SLC5A1: variants seen among roughly 807,000 people sequenced by gnomAD.
SLC5A1 encodes sodium/glucose cotransporter 1.
SLC5A1 carries 42 observed loss-of-function variants against 73.5 expected under a neutral mutation model. The ratio of observed to expected loss-of-function variants is 0.57; its 90% CI spans 0.45 to 0.74. The LOEUF (loss-of-function observed/expected upper bound fraction) is 0.74, where lower values mean the gene tolerates loss of function less well. SLC5A1 is among the 30% of genes least tolerant of loss of function. The pLI, the probability that SLC5A1 is intolerant of heterozygous loss-of-function variation, is 0.00. For synonymous variants in SLC5A1, 300 were observed against 317.4 expected, an observed-to-expected ratio of 0.95 and a Z score of 0.58; for missense variants, 634 against 855.4, an observed-to-expected ratio of 0.74 and a Z score of 3.23.
intron 8 of SLC5A1, 50 bp downstream of exon 8, chr22:32,084,709 C>A: frequency 1.9e-6 from 3 of 1,560,826 alleles, no homozygotes; most frequent in Non-Finnish European, 2.6e-6. Context: ...CAGGGCCCTA[C>A]AGGAACTCCT....
Position 32,068,493 on chromosome 22 carries a change from CA to C in SLC5A1, c.373-2del. On this transcript the variant is annotated splice_acceptor_variant, in intron 4 of 14. Transcript: ENST00000266088. LOFTEE classifies it high-confidence loss of function. ...GCAGTGACCTCCCTCGCACCCCATG[CA>C]GGTGGTGACAATGCCAGAGTACCTG... 1.2e-6 allele frequency: 2 copies of C among 1,607,384 alleles called. No homozygotes were observed. Among genetic ancestry groups the C allele is most frequent in the Non-Finnish European group, 1.7e-6 (2 of 1,173,860 alleles).
chr22:32,066,733 C>G (rs532059661), intron 2 of SLC5A1, among the ~76,000 whole-genome samples: 3 of 152,354 alleles, frequency 2.0e-5, no homozygotes, highest in Admixed American at 6.5e-5. Context: ...CAATCCTCTC[C>G]TTTTCATCTT....
rs1369002966 is a variant in SLC5A1, at chr22:32,086,284, C to A, written c.1086C>A (p.Thr362=). 6.2e-7 allele frequency: 1 copy of A among 1,613,818 alleles called. No homozygotes were observed. The highest frequency in any genetic ancestry group is 1.3e-5 in the African/African-American group (1 of 74,910). Residue 362 remains threonine, a synonymous_variant, in exon 10 of 15, where the codon ACC becomes ACA. Coordinates refer to ENST00000266088, the MANE Select transcript of SLC5A1 (RefSeq NM_000343.4). ...ATTGCGGTACCAAGGTTGGCTGTACCAACATCGCCTATCCAACCTTAGTGG... is the reference window on the plus strand; with the variant it reads ...ATTGCGGTACCAAGGTTGGCTGTACAAACATCGCCTATCCAACCTTAGTGG... ...EKYCGTKVGC[T]NIAYPTLVVE... is the part of the protein sequence containing the mutation.
intron 10 of SLC5A1, among the ~76,000 whole-genome samples, chr22:32,090,583 A>T (rs1247832321): frequency 1.3e-5 from 2 of 152,086 alleles, no homozygotes; most frequent in Non-Finnish European, 2.9e-5. Context: ...GGACATTTGT[A>T]TTGCTCCTCC....
intron 2 of SLC5A1, among the ~76,000 whole-genome samples, chr22:32,057,573 C>A (rs1042363919): frequency 1.3e-5 from 2 of 152,150 alleles, no homozygotes; most frequent in Non-Finnish European, 2.9e-5. Flanking sequence ...GCCCCCAGGA[C>A]AATTCTTGAT....
chr22:32,104,992 A>G (rs2094042949), intron 14 of SLC5A1, 101 bp downstream of exon 14: 2 of 858,596 alleles, frequency 2.3e-6, no homozygotes, highest in African/African-American at 1.7e-5. Context: ...CAGAGCTCAG[A>G]TGTCTCCCCT....
intron 11 of SLC5A1, among the ~76,000 whole-genome samples, chr22:32,092,750 G>A (rs2094020130): frequency 1.3e-5 from 2 of 152,204 alleles, no homozygotes; most frequent in Admixed American, 1.3e-4. Context: ...CTGCCACTGT[G>A]TGGGTTGCCC....
chr22:32,111,503 C>A lies in SLC5A1; in HGVS notation c.*1290C>A, dbSNP rs898656187. 6.6e-6 allele frequency: 1 copy of A among 152,128 alleles called. No homozygotes were observed. Among genetic ancestry groups the A allele is most frequent in the African/African-American group, 2.4e-5 (1 of 41,446 alleles). 9.4% of individuals were successfully genotyped at this position (152,128 alleles called of 1,614,324 possible). A position where few individuals can be genotyped will look rare whatever the true frequency, so the allele number is the denominator to read the frequency against. On this transcript the variant is annotated 3_prime_UTR_variant, in exon 15 of 15. Transcript: ENST00000266088. ...AGTCTTGAAGAGATACTAAACAAACCCACAACACAGATAAAGTATGCATTT... is the reference window on the plus strand; with the variant it reads ...AGTCTTGAAGAGATACTAAACAAACACACAACACAGATAAAGTATGCATTT...
intron 5 of SLC5A1, among the ~76,000 whole-genome samples, chr22:32,075,070 C>CTGTTTTTTTTTTT (rs2093988705): frequency 9.3e-6 from 1 of 107,684 alleles, no homozygotes; most frequent in Non-Finnish European, 2.0e-5. Flanking sequence ...CTATTTTTTA[C>CTGTTTTTTTTTTT]TTTTTTTTTT....
Position 32,068,045 on chromosome 22 carries a change from A to G in SLC5A1, c.372+19A>G, listed in dbSNP as rs1313425409. On this transcript the variant is annotated intron_variant, in intron 4 of 14. Transcript: ENST00000266088. ...GGCTGGGGTAAGTATCTGCTCTGTT[A>G]TTTCATTTCCTGCTGGCAAATGTAT... is the stretch of plus-strand genomic sequence containing the variant. 4.3e-6 allele frequency: 7 copies of G among 1,611,236 alleles called. No individual in the cohort carries two copies. The Admixed American group carries it at 1.2e-4, about 27-fold the overall frequency.
intron 1 of SLC5A1, among the ~76,000 whole-genome samples, chr22:32,045,358 C>T (rs902971992): frequency 3.3e-5 from 5 of 152,256 alleles, no homozygotes; most frequent in African/African-American, 1.2e-4. Flanking sequence ...CTAAATGCTA[C>T]TTAATAGCCT....
At chr22:32,084,043 G>C (rs2094004087) in intron 7 of SLC5A1, among the ~76,000 whole-genome samples, 1 of 152,236 alleles carries the variant, frequency 6.6e-6, no homozygotes, top group Non-Finnish European at 1.5e-5. Context: ...CTAGGTCTGT[G>C]TGTCTCTAGG....
chr22:32,054,372 A>G (rs1367914089), intron 2 of SLC5A1, among the ~76,000 whole-genome samples: 1 of 152,198 alleles, frequency 6.6e-6, no homozygotes, highest in Non-Finnish European at 1.5e-5. Context: ...CTTACAAAAT[A>G]TACGTAAAAT....
At chr22:32,067,362 T>C (rs567590032) in intron 3 of SLC5A1, among the ~76,000 whole-genome samples, 1 of 147,400 alleles carries the variant, frequency 6.8e-6, no homozygotes, top group Non-Finnish European at 1.5e-5. Context: ...TTATTTTTTT[T>C]AAAAAAATTT....
chr22:32,059,237 G>T (rs1380850366), intron 2 of SLC5A1: 19 of 985,248 alleles, frequency 1.9e-5, no homozygotes, highest in Non-Finnish European at 2.2e-5. Context: ...TCCCAAAAGT[G>T]GGCTCTTTGA....
chr22:32,090,100 CAAAAAAA>C (rs11365344), intron 10 of SLC5A1, among the ~76,000 whole-genome samples: 2 of 105,558 alleles, frequency 1.9e-5, no homozygotes, highest in East Asian at 3.9e-4. Flanking sequence ...CCTTGTCTTT[CAAAAAAA>C]AAAAAAAAAA....
intron 7 of SLC5A1, 110 bp downstream of exon 7, chr22:32,083,264 G>A (rs2094002879): frequency 1.1e-6 from 1 of 878,916 alleles, no homozygotes; most frequent in Middle Eastern, 2.3e-4. Flanking sequence ...GCAGTGAGCT[G>A]AGGCATGCTC....
chr22:32,071,609 AG>A (rs1378082888), intron 5 of SLC5A1, among the ~76,000 whole-genome samples: 6 of 152,142 alleles, frequency 3.9e-5, no homozygotes, highest in African/African-American at 1.4e-4. Context: ...TTTTCCCCTT[AG>A]CCAGCAGTTG....
chr22:32,091,896 CCATTTGGTGG>C (rs2094018518), intron 11 of SLC5A1, 134 bp downstream of exon 11: 1 of 775,066 alleles, frequency 1.3e-6, no homozygotes, highest in South Asian at 1.5e-5. Context: ...GTTATATGTG[CCATTTGGTGG>C]CATTTAACTT....
Sources: allele counts gnomAD v4.1 joint callset (sites outside exome capture counted in the v4.1 genomes callset), GRCh38; gene constraint gnomAD v4.1.1; transcripts MANE v1.5; gene names NCBI Gene and HGNC (gene_info 2026-07-23, HGNC 2026-07-21).